Variants in GNG7 observed in about 807,000 individuals in gnomAD.
GNG7 encodes the protein G protein subunit gamma 7, also known as guanine nucleotide-binding protein G(I)/G(S)/G(O) subunit gamma-7.
GNG7 carries 1 observed loss-of-function variant against 4.0 expected under a neutral mutation model. That is an observed-to-expected ratio of 0.25 (90% CI 0.09 to 1.18). The LOEUF (loss-of-function observed/expected upper bound fraction) is 1.18. GNG7 is among the 50% of genes most tolerant of loss of function. The pLI, the probability that GNG7 is intolerant of heterozygous loss-of-function variation, is 0.50. For synonymous variants in GNG7, 34 were observed against 36.9 expected, an observed-to-expected ratio of 0.92 and a Z score of 0.29; for missense variants, 86 against 91.9, an observed-to-expected ratio of 0.94 and a Z score of 0.26.
At chr19:2,559,080 G>A (rs1391881887) in intron 2 of GNG7, among the ~76,000 whole-genome samples, 10 of 151,942 alleles carry the variant, frequency 6.6e-5, no homozygotes, top group African/African-American at 2.2e-4. Context: ...GATTATAAGC[G>A]TGAGCCATCG....
chr19:2,581,887 A>ATGAGTTGGTC, intron 2 of GNG7, among the ~76,000 whole-genome samples: 1 of 152,316 alleles, frequency 6.6e-6, no homozygotes, highest in East Asian at 1.9e-4. Context: ...CAGGGAGGTG[A>ATGAGTTGGTC]GAACATTTTG....
At chr19:2,577,066 T>C (rs527252853) in intron 2 of GNG7, among the ~76,000 whole-genome samples, 66 of 152,368 alleles carry the variant, frequency 4.3e-4, no homozygotes, top group African/African-American at 1.5e-3. Context: ...TTTGTATTCC[T>C]GTTGGCAGGG....
chr19:2,584,694 TAGAG>T (rs1980598760), intron 2 of GNG7, among the ~76,000 whole-genome samples: 1 of 18,064 alleles, frequency 5.5e-5, no homozygotes, highest in Non-Finnish European at 1.0e-4. Flanking sequence ...GAGGGAGGGA[TAGAG>T]GGAGGGAGGG....
chr19:2,694,444 G>A (rs747330253), intron 1 of GNG7, among the ~76,000 whole-genome samples: 3 of 151,730 alleles, frequency 2.0e-5, no homozygotes, highest in Admixed American at 6.6e-5. Context: ...GCCCAGAGAC[G>A]CTGCTCAGCA....
At chr19:2,657,354 AAAAAAAAATATATATATATATATAT>A (rs1319391372) in intron 1 of GNG7, among the ~76,000 whole-genome samples, 5 of 21,866 alleles carry the variant, frequency 2.3e-4, no homozygotes, top group African/African-American at 4.4e-4. Flanking sequence ...AAAAAAAAAA[AAAAAAAAATATATATATATATATAT>A]ATATATATAT....
chr19:2,521,290 A>C (rs1978307277), intron 3 of GNG7, among the ~76,000 whole-genome samples: 1 of 152,058 alleles, frequency 6.6e-6, no homozygotes, highest in Non-Finnish European at 1.5e-5. Context: ...AGAAAAAATA[A>C]AGAAAGGGCA....
In GNG7 at chr19:2,617,586, C is replaced by G. The variant is rs1451811869; in HGVS notation, c.-78+28638G>C. ...CAGGGAGCCCTCCGGAATGTCCTTC[C>G]TCCTGCCTTCAATGCTCCTCCCCAT... On this transcript the variant is annotated intron_variant, in intron 2 of 4. Coordinates refer to ENST00000382159, the MANE Select transcript of GNG7 (RefSeq NM_052847.3). This position sits in a 1 kb window ranked among gnomAD's most constrained non-coding sequence, Gnocchi z 4.7. Among the ~76,000 whole-genome samples, 1 of 152,186 alleles carries G rather than the reference C, an allele frequency of 6.6e-6. No individual in the cohort carries two copies. The highest frequency in any genetic ancestry group is 6.5e-5 in the Admixed American group (1 of 15,278).
intron 3 of GNG7, among the ~76,000 whole-genome samples, chr19:2,525,971 AT>A (rs35639922): frequency 2.1e-4 from 16 of 75,668 alleles, no homozygotes; most frequent in Non-Finnish European, 2.1e-4. Context: ...CTCCACGCCA[AT>A]TTTTTTTTTT....
intron 2 of GNG7, among the ~76,000 whole-genome samples, chr19:2,627,388 C>T: frequency 6.6e-6 from 1 of 152,170 alleles, no homozygotes; most frequent in East Asian, 1.9e-4. Flanking sequence ...GCTCCAGGGG[C>T]ACCCAGAGTG....
chr19:2,531,515 C>T (rs1161883064), intron 3 of GNG7, among the ~76,000 whole-genome samples: 2 of 152,052 alleles, frequency 1.3e-5, no homozygotes, highest in African/African-American at 2.4e-5. Flanking sequence ...ATTATTTCTA[C>T]ATGCAAATCC....
intron 2 of GNG7, among the ~76,000 whole-genome samples, chr19:2,637,275 CAGA>C (rs1262710774): frequency 6.6e-6 from 1 of 152,070 alleles, no homozygotes; most frequent in Non-Finnish European, 1.5e-5. Flanking sequence ...CTGGGGCCTG[CAGA>C]AGGATAGGAG....
At chr19:2,636,069 G>A (rs1386352954) in intron 2 of GNG7, among the ~76,000 whole-genome samples, 1 of 152,160 alleles carries the variant, frequency 6.6e-6, no homozygotes, top group African/African-American at 2.4e-5. Context: ...AGGAGCCAGG[G>A]GGAGAGAGAC....
chr19:2,528,408 T>TAA (rs1197788787), intron 3 of GNG7, among the ~76,000 whole-genome samples: 170 of 99,376 alleles, frequency 1.7e-3, no homozygotes, highest in Non-Finnish European at 2.0e-3. Flanking sequence ...CTGTCTCTAC[T>TAA]AAAAAAAAAA....
chr19:2,674,537 G>A (rs935581665), intron 1 of GNG7, among the ~76,000 whole-genome samples: 1 of 152,128 alleles, frequency 6.6e-6, no homozygotes, highest in Non-Finnish European at 1.5e-5. Context: ...CTGGGCTCAA[G>A]CGATCCTCCT....
intron 1 of GNG7, among the ~76,000 whole-genome samples, chr19:2,671,368 G>A (rs1983447590): frequency 6.6e-6 from 1 of 152,042 alleles, no homozygotes; most frequent in Non-Finnish European, 1.5e-5. Context: ...TCTGAGCCTC[G>A]ACCTGGCCAG....
chr19:2,647,516 G>C (rs377479214), intron 1 of GNG7, among the ~76,000 whole-genome samples: 2 of 152,110 alleles, frequency 1.3e-5, no homozygotes, highest in Non-Finnish European at 2.9e-5. Flanking sequence ...TCCTCCCAGC[G>C]AGTCGCCCCA....
intron 1 of GNG7, among the ~76,000 whole-genome samples, chr19:2,695,911 C>A (rs1004410331): frequency 6.6e-6 from 1 of 152,136 alleles, no homozygotes; most frequent in African/African-American, 2.4e-5. Context: ...GTAATCCCAG[C>A]ACTTTGGGAG....
At chr19:2,568,451 T>TGCAC (rs1980017210) in intron 2 of GNG7, among the ~76,000 whole-genome samples, 1 of 84,398 alleles carries the variant, frequency 1.2e-5, no homozygotes, top group Non-Finnish European at 3.4e-5. Flanking sequence ...CACACATACA[T>TGCAC]ATACATACAC....
chr19:2,579,312 G>C (rs1980433812), intron 2 of GNG7, among the ~76,000 whole-genome samples: 1 of 152,244 alleles, frequency 6.6e-6, no homozygotes, highest in South Asian at 2.1e-4. Flanking sequence ...GCTCCCGTCC[G>C]GGTCTCTGTG....
Sources: gnomAD v4.1 joint callset for allele counts (sites outside exome capture counted in the v4.1 genomes callset) on GRCh38, gnomAD v4.1.1 for gene constraint, Gnocchi (gnomAD v3.1) non-coding constraint, MANE v1.5 for transcripts, NCBI Gene and HGNC (gene_info 2026-07-23, HGNC 2026-07-21) for gene names.